R3HDM1: variants seen among roughly 807,000 people sequenced by gnomAD.
R3HDM1 encodes R3H domain containing 1.
In R3HDM1, 46 loss-of-function variants were observed where a neutral mutation model predicts 141.1. That is an observed-to-expected ratio of 0.33 (90% CI 0.26 to 0.42). The LOEUF is 0.42. R3HDM1 is among the 10% of genes least tolerant of loss of function. The pLI is 1.00. For missense variants in R3HDM1, 1,184 were observed against 1,368.3 expected, an observed-to-expected ratio of 0.87 and a Z score of 2.12; for synonymous variants, 435 against 472.9, an observed-to-expected ratio of 0.92 and a Z score of 1.04.
At chr2:135,669,054 A>G in intron 19 of R3HDM1, 3 of 832,270 alleles carry the variant, frequency 3.6e-6, no homozygotes, top group Non-Finnish European at 4.3e-6. Context: ...ATGTTTTAAT[A>G]TTTTTAGAGA....
intron 1 of R3HDM1, among the ~76,000 whole-genome samples, chr2:135,562,482 C>T (rs552050419): frequency 6.6e-6 from 1 of 152,222 alleles, no homozygotes; most frequent in South Asian, 2.1e-4. Flanking sequence ...TGCATTTCTT[C>T]TAGTAATCTA....
intron 26 of R3HDM1, among the ~76,000 whole-genome samples, chr2:135,722,948 G>T (rs1159907936): frequency 6.6e-6 from 1 of 152,080 alleles, no homozygotes; most frequent in Non-Finnish European, 1.5e-5. Flanking sequence ...CTACTCAGCA[G>T]CCTTGTGGTG....
chr2:135,713,475 G>A (rs946314813), intron 23 of R3HDM1, among the ~76,000 whole-genome samples: 14 of 152,074 alleles, frequency 9.2e-5, no homozygotes, highest in African/African-American at 3.1e-4. Context: ...TATGCTTCTG[G>A]AACTTTACCC....
At chr2:135,636,446 A>G (rs898840498) in intron 11 of R3HDM1, among the ~76,000 whole-genome samples, 5 of 152,326 alleles carry the variant, frequency 3.3e-5, no homozygotes, top group South Asian at 2.1e-4. Context: ...TCTCCAGTCT[A>G]TATAGTTTGT....
At position 135,680,131 on chromosome 2, in the gene R3HDM1, G is replaced by GA. The variant is rs768566071; in HGVS notation, c.2308-35dup. The GA allele has an allele frequency of 5.0e-6, 8 of 1,590,490 alleles. No homozygotes were observed. In the South Asian group the frequency reaches 5.6e-5, roughly 11 times the overall value. On this transcript the variant is annotated intron_variant, in intron 20 of 26. Coordinates refer to ENST00000683871, the MANE Select transcript of R3HDM1 (RefSeq NM_001378107.1). ...AAAACATAAACATTTACAAGGCCTT[G>GA]AAAAAAACCTTTTTCTCTTGAAATT...
intron 1 of R3HDM1, chr2:135,577,076 T>C (rs1227821628): frequency 2.2e-6 from 2 of 926,482 alleles, no homozygotes; most frequent in Non-Finnish European, 2.6e-6. Flanking sequence ...AGGTTAAGAA[T>C]CTAAATGTTT....
intron 21 of R3HDM1, among the ~76,000 whole-genome samples, chr2:135,689,396 T>G (rs2071946660): frequency 6.6e-6 from 1 of 152,216 alleles, no homozygotes; most frequent in Admixed American, 6.5e-5. Context: ...TATCTTAAAC[T>G]CTAGGTTACA....
intron 1 of R3HDM1, chr2:135,590,657 A>G: frequency 1.0e-6 from 1 of 985,414 alleles, no homozygotes; most frequent in Non-Finnish European, 1.2e-6. Context: ...CTAGCTCTAC[A>G]TGTATAGTAT....
chr2:135,648,191 G>GAACC (rs2064691296), intron 16 of R3HDM1, among the ~76,000 whole-genome samples: 1 of 152,080 alleles, frequency 6.6e-6, no homozygotes, highest in South Asian at 2.1e-4. Context: ...GTTTTGTGAG[G>GAACC]AACCAGAGGC....
intron 2 of R3HDM1, among the ~76,000 whole-genome samples, chr2:135,603,950 T>G (rs2059833934): frequency 6.6e-6 from 1 of 152,196 alleles, no homozygotes; most frequent in Non-Finnish European, 1.5e-5. Flanking sequence ...TTAAAATGAG[T>G]GCTATCTTTA....
At chr2:135,710,955 A>G (rs1027218159) in intron 23 of R3HDM1, among the ~76,000 whole-genome samples, 1 of 152,188 alleles carries the variant, frequency 6.6e-6, no homozygotes, top group Non-Finnish European at 1.5e-5. Flanking sequence ...TTGGTTGAGA[A>G]ACTGCTCACT....
chr2:135,556,976 A>G (rs1296238882), intron 1 of R3HDM1, among the ~76,000 whole-genome samples: 3 of 152,182 alleles, frequency 2.0e-5, no homozygotes, highest in Non-Finnish European at 2.9e-5. Context: ...AACCCAAAGA[A>G]TTCTTCACTG....
At chr2:135,638,196 T>G (rs897830395) in intron 11 of R3HDM1, among the ~76,000 whole-genome samples, 52 of 152,226 alleles carry the variant, frequency 3.4e-4, no homozygotes, top group Middle Eastern at 3.2e-3. Context: ...CTAACCCAGA[T>G]TAACAGTGCT....
Position 135,597,148 on chromosome 2 carries a change from A to T in R3HDM1, c.-249-5352A>T, listed in dbSNP as rs2059260511. On this transcript the variant is annotated intron_variant, in intron 1 of 26. Transcript: ENST00000683871. ...ACTAATTATTCTCTCTCATTCTTCAACTACCAAAAGTCTTTCCTTCTTGCT... is the reference window on the plus strand; with the variant it reads ...ACTAATTATTCTCTCTCATTCTTCATCTACCAAAAGTCTTTCCTTCTTGCT... 7.2e-6 allele frequency: 7 copies of T among 977,754 alleles called. No homozygotes were observed. The South Asian group carries it at 3.3e-4, about 46-fold the overall frequency. 60.6% of individuals were successfully genotyped at this position (977,754 alleles called of 1,614,324 possible).
At position 135,636,381 on chromosome 2, in the gene R3HDM1, T is replaced by C. The variant is rs79934477; in HGVS notation, c.903+198T>C. On this transcript the variant is annotated intron_variant, in intron 11 of 26. Transcript: ENST00000683871. The stretch of plus-strand genomic sequence containing the variant: ...AAAATACTACATTGCAGTAGTTATA[T>C]AAAATTTTACAAAAGTTGGAAGCAG... Among the ~76,000 whole-genome samples, 1,270 of 152,296 alleles carry C rather than the reference T, an allele frequency of 8.3e-3. 10 individuals carry two copies. Among genetic ancestry groups the C allele is most frequent in the Middle Eastern group, 0.031 (9 of 294 alleles).
chr2:135,605,056 T>G (rs1376639646), intron 3 of R3HDM1, 40 bp downstream of exon 3: 1 of 1,412,120 alleles, frequency 7.1e-7, no homozygotes, highest in Non-Finnish European at 9.8e-7. Context: ...TACTAAATAT[T>G]CAGTATATAT....
At chr2:135,667,129 A>G (rs901188837) in intron 19 of R3HDM1, 2 of 935,994 alleles carry the variant, frequency 2.1e-6, no homozygotes, top group African/African-American at 1.8e-5. Context: ...CAGATCACCT[A>G]TATAAAATAA....
At chr2:135,555,145 C>G (rs1490303365) in intron 1 of R3HDM1, among the ~76,000 whole-genome samples, 1 of 151,738 alleles carries the variant, frequency 6.6e-6, no homozygotes, top group Admixed American at 6.6e-5. Flanking sequence ...ACTAAAAATA[C>G]AAAAATTAGC....
chr2:135,539,175 A>AT (rs553051478), intron 1 of R3HDM1, among the ~76,000 whole-genome samples: 59 of 150,266 alleles, frequency 3.9e-4, no homozygotes, highest in Non-Finnish European at 6.7e-4. Context: ...TTAACTTCTG[A>AT]TTTTTTTTTT....
Sources: allele counts gnomAD v4.1 joint callset (sites outside exome capture counted in the v4.1 genomes callset), GRCh38; gene constraint gnomAD v4.1.1; transcripts MANE v1.5; gene names NCBI Gene and HGNC (gene_info 2026-07-23, HGNC 2026-07-21).